PLOD2: variants seen among roughly 807,000 people sequenced by gnomAD.
The protein encoded by PLOD2 is procollagen-lysine,2-oxoglutarate 5-dioxygenase 2.
In PLOD2, 65 loss-of-function variants were observed where a neutral mutation model predicts 101.0. The ratio of observed to expected loss-of-function variants is 0.64; its 90% CI spans 0.53 to 0.79. The LOEUF (loss-of-function observed/expected upper bound fraction) is 0.79. Ranked by LOEUF, PLOD2 falls within the 30% of genes least tolerant of loss-of-function variation. PLOD2 has a pLI of 0.00. For missense variants in PLOD2, 909 were observed against 914.6 expected, an observed-to-expected ratio of 0.99 and a Z score of 0.08; for synonymous variants, 314 against 302.9, an observed-to-expected ratio of 1.04 and a Z score of -0.38.
At chr3:146,115,094 C>T (rs879823771) in intron 3 of PLOD2, among the ~76,000 whole-genome samples, 61 of 152,096 alleles carry the variant, frequency 4.0e-4, no homozygotes, top group Non-Finnish European at 5.1e-4. Context: ...CCCCCGGACA[C>T]CCAGCTTTAA....
chr3:146,095,528 A>G (rs1431158504), intron 7 of PLOD2, among the ~76,000 whole-genome samples: 2 of 152,230 alleles, frequency 1.3e-5, no homozygotes, highest in African/African-American at 4.8e-5. Context: ...CATGCCAGTT[A>G]GAATGGCAAT....
At chr3:146,121,019 C>T (rs2030093799) in intron 3 of PLOD2, 93 bp downstream of exon 3, 1 of 1,069,012 alleles carries the variant, frequency 9.4e-7, no homozygotes. Context: ...CCGTGCCCAA[C>T]CATATTTTAA....
chr3:146,106,907 T>C (rs1191160253), intron 4 of PLOD2, among the ~76,000 whole-genome samples: 1 of 152,112 alleles, frequency 6.6e-6, no homozygotes, highest in Non-Finnish European at 1.5e-5. Flanking sequence ...CCAAAAGTAA[T>C]TGACAAAAGA....
intron 1 of PLOD2, among the ~76,000 whole-genome samples, chr3:146,127,905 T>C (rs998995623): frequency 1.1e-4 from 16 of 152,084 alleles, no homozygotes; most frequent in African/African-American, 3.9e-4. Flanking sequence ...CACTTACACA[T>C]TGCTTGTGGG....
chr3:146,125,144 C>A (rs1432123205), intron 1 of PLOD2, among the ~76,000 whole-genome samples: 1 of 152,078 alleles, frequency 6.6e-6, no homozygotes, highest in Non-Finnish European at 1.5e-5. Flanking sequence ...AAACTAACAT[C>A]TTTTCAATAT....
At chr3:146,103,777 T>C (rs1937472875) in intron 6 of PLOD2, among the ~76,000 whole-genome samples, 1 of 151,886 alleles carries the variant, frequency 6.6e-6, no homozygotes, top group African/African-American at 2.4e-5. Flanking sequence ...TTTATCAAGA[T>C]ATATGTATCT....
intron 3 of PLOD2, among the ~76,000 whole-genome samples, chr3:146,120,214 T>A (rs1375986028): frequency 6.6e-6 from 1 of 152,232 alleles, no homozygotes; most frequent in Non-Finnish European, 1.5e-5. Context: ...CATTTTTTCA[T>A]GTGTATTTTG....
intron 3 of PLOD2, among the ~76,000 whole-genome samples, chr3:146,114,070 C>G (rs141161167): frequency 3.3e-5 from 5 of 152,074 alleles, no homozygotes; most frequent in Admixed American, 3.3e-4. Flanking sequence ...CCTATTAGGA[C>G]GAGGAAATTC....
chr3:146,139,892 C>G (rs1397071838), intron 1 of PLOD2, among the ~76,000 whole-genome samples: 1 of 152,074 alleles, frequency 6.6e-6, no homozygotes, highest in Non-Finnish European at 1.5e-5. Flanking sequence ...GCCTTCCTCC[C>G]TTTCTCTTTC....
intron 3 of PLOD2, among the ~76,000 whole-genome samples, chr3:146,117,686 CAGG>C: frequency 6.6e-6 from 1 of 152,178 alleles, no homozygotes; most frequent in African/African-American, 2.4e-5. Context: ...GCTGTTCTCA[CAGG>C]AGATGTCAGA....
intron 17 of PLOD2, 110 bp downstream of exon 17, chr3:146,072,451 G>T: frequency 1.3e-6 from 1 of 773,992 alleles, no homozygotes; most frequent in Non-Finnish European, 2.3e-6. Flanking sequence ...ATTTATCTAA[G>T]TCTAGAACTC....
chr3:146,157,304 T>A (rs2032346713), intron 1 of PLOD2, among the ~76,000 whole-genome samples: 1 of 152,036 alleles, frequency 6.6e-6, no homozygotes, highest in South Asian at 2.1e-4. Flanking sequence ...CTTTGAAGAG[T>A]TTACAATTTA....
intron 6 of PLOD2, among the ~76,000 whole-genome samples, chr3:146,103,826 TACACACACACAC>T (rs3059069): frequency 1.2e-3 from 179 of 146,570 alleles, no homozygotes; most frequent in African/African-American, 2.2e-3. Context: ...CACGAGCATG[TACACACACACAC>T]ACACACACAC....
intron 7 of PLOD2, among the ~76,000 whole-genome samples, chr3:146,097,418 G>A (rs1316776556): frequency 4.8e-5 from 6 of 124,502 alleles, no homozygotes; most frequent in Non-Finnish European, 8.4e-5. Flanking sequence ...GTGGATAGAA[G>A]TAGACATGGG....
chr3:146,078,820 T>C (rs1439667367), intron 13 of PLOD2, among the ~76,000 whole-genome samples: 1 of 151,974 alleles, frequency 6.6e-6, no homozygotes, highest in Non-Finnish European at 1.5e-5. Context: ...AAATTAAAGA[T>C]GTATTCTTAA....
rs190310002 is a variant in PLOD2, at chr3:146,123,232, A to T, written c.201+906T>A. ...CAAAAAGTAATCTTTCTTCTTTTTT[A>T]AAAAAAAAGTTTTTTGCTTTTTGTG... On this transcript the variant is annotated intron_variant, in intron 2 of 19. Coordinates refer to ENST00000282903, the MANE Select transcript of PLOD2 (RefSeq NM_182943.3). 3.1e-3 allele frequency: 2,343 copies of T among 758,192 alleles called. 58 individuals are homozygous for T. In the African/African-American group the frequency reaches 0.041, roughly 13 times the overall value. The allele number at this position is 758,192 out of a possible 1,614,324, so 47.0% of individuals were successfully genotyped here.
In PLOD2 at chr3:146,071,053, C is replaced by A. The variant is rs140079753; in HGVS notation, c.2110G>T (p.Glu704Ter). ...AGAGTCATAATTACCTGAAAGTCTTCTCCCACGTTATTAAGTGCAATGTTT... is the reference window on the plus strand; with the variant it reads ...AGAGTCATAATTACCTGAAAGTCTTATCCCACGTTATTAAGTGCAATGTTT... The part of the protein sequence containing the change: ...TINIALNNVG[E>*]DFQGGGCKFL... Residue 704 changes from glutamate to a stop codon, truncating the protein, a stop_gained, in exon 19 of 20, where the codon GAA becomes TAA. Coordinates refer to ENST00000282903, the MANE Select transcript of PLOD2 (RefSeq NM_182943.3). LOFTEE classifies it high-confidence loss of function. 6.2e-7 allele frequency: 1 copy of A among 1,606,844 alleles called. No individual in the cohort carries two copies. The highest frequency in any genetic ancestry group is 8.5e-7 in the Non-Finnish European group (1 of 1,174,458).
chr3:146,086,587 G>C (rs534931052), intron 10 of PLOD2, 200 bp downstream of exon 10: 22 of 337,652 alleles, frequency 6.5e-5, no homozygotes, highest in South Asian at 1.5e-4. Flanking sequence ...GCCATTAAAA[G>C]AAAAACATAA....
Position 146,160,893 on chromosome 3 carries a change from T to A in PLOD2, c.97A>T (p.Ser33Cys), listed in dbSNP as rs538397774. 6.3e-7 allele frequency: 1 copy of A among 1,578,972 alleles called. No homozygotes were observed. Among genetic ancestry groups the A allele is most frequent in the East Asian group, 2.3e-5 (1 of 43,240 alleles). The change falls in exon 1 of 20, where the codon AGC becomes TGC. Residue 33 changes from serine to cysteine, a missense_variant. Transcript: ENST00000282903. ...CLGADSEKPSSIPTDKLLVIT... is the reference protein window; with the variant it reads ...CLGADSEKPSCIPTDKLLVIT... ...GCGGGGTGCTCACCTGTGGGGATGC[T>A]CGAGGGCTTCTCCGAGTCCGCACCC...
Sources: allele counts gnomAD v4.1 joint callset (sites outside exome capture counted in the v4.1 genomes callset), GRCh38; gene constraint gnomAD v4.1.1; transcripts MANE v1.5; gene names NCBI Gene and HGNC (gene_info 2026-07-23, HGNC 2026-07-21).